LHPP: variants seen among roughly 807,000 people sequenced by gnomAD.
LHPP encodes the protein hLHPP.
A neutral mutation model predicts 30.3 loss-of-function variants in LHPP; 24 were observed. The observed-to-expected ratio is 0.79, with a 90% CI of 0.57 to 1.11. The LOEUF is 1.11. Among genes scored for constraint, LHPP ranks in the 50% most tolerant of loss-of-function variants. LHPP has a pLI of 0.00. For synonymous variants in LHPP, 150 were observed against 157.1 expected (o/e 0.95, Z 0.34); for missense variants, 356 against 367.2 (o/e 0.97, Z 0.25).
At chr10:124,507,061 TAGGGGTAGACA>T (rs1564797469) in intron 5 of LHPP, among the ~76,000 whole-genome samples, 2 of 2,204 alleles carry the variant, frequency 9.1e-4, no homozygotes, top group African/African-American at 5.4e-3. Flanking sequence ...ATTTCAGGTG[TAGGGGTAGACA>T]GGATTTCAGG....
intron 6 of LHPP, 68 bp from the exon 7 acceptor site, chr10:124,613,196 G>A (rs1949224425): frequency 8.4e-7 from 1 of 1,187,650 alleles, no homozygotes; most frequent in Non-Finnish European, 1.3e-6. Flanking sequence ...TTAGATGCTG[G>A]GAGGGTGGGT....
At chr10:124,554,641 A>G (rs1056904575) in intron 6 of LHPP, among the ~76,000 whole-genome samples, 3 of 151,140 alleles carry the variant, frequency 2.0e-5, no homozygotes, top group South Asian at 2.1e-4. Context: ...GACGAGCTGA[A>G]GGGGTGGGCC....
intron 5 of LHPP, among the ~76,000 whole-genome samples, chr10:124,512,202 C>T (rs1177744567): frequency 2.6e-5 from 4 of 152,180 alleles, no homozygotes; most frequent in African/African-American, 9.7e-5. Flanking sequence ...CCTGCGAAGG[C>T]CTAGGGCAAA....
In LHPP at chr10:124,482,938, C is replaced by T. The variant is rs538780709; in HGVS notation, c.126-1201C>T. ...GGATGGTGGCCTGGAGATCAGGGAACTTTTCCATGCTCACGACTACAGCTC... is the reference window on the plus strand; with the variant it reads ...GGATGGTGGCCTGGAGATCAGGGAATTTTTCCATGCTCACGACTACAGCTC... On this transcript the variant is annotated intron_variant, in intron 1 of 6. Transcript: ENST00000368842. 4.6e-5 allele frequency among the ~76,000 whole-genome samples: 7 copies of T among 152,374 alleles called. No homozygotes were observed. The East Asian group carries it at 1.3e-3, about 29-fold the overall frequency.
chr10:124,469,761 G>A (rs1012999048), intron 1 of LHPP, among the ~76,000 whole-genome samples: 2 of 152,126 alleles, frequency 1.3e-5, no homozygotes, highest in Non-Finnish European at 2.9e-5. Flanking sequence ...GTGAACAGGT[G>A]GAGCCGATGC....
chr10:124,476,499 C>T (rs1952948496), intron 1 of LHPP, among the ~76,000 whole-genome samples: 2 of 152,148 alleles, frequency 1.3e-5, no homozygotes, highest in Non-Finnish European at 2.9e-5. Context: ...GTTTATGGCT[C>T]GGGTTCCAAG....
chr10:124,556,664 G>A (rs563314733), intron 6 of LHPP, among the ~76,000 whole-genome samples: 6 of 152,136 alleles, frequency 3.9e-5, no homozygotes, highest in East Asian at 1.9e-4. Context: ...TGCAACTCTC[G>A]ACACCCTCAC....
intron 1 of LHPP, among the ~76,000 whole-genome samples, chr10:124,476,313 G>T (rs1242635702): frequency 6.6e-6 from 1 of 152,208 alleles, no homozygotes; most frequent in East Asian, 1.9e-4. Flanking sequence ...TGGACCTGTT[G>T]CCCTGGCCGG....
chr10:124,478,777 C>T lies in LHPP; in HGVS notation c.126-5362C>T, dbSNP rs559858733. Among the ~76,000 whole-genome samples, 202 of 152,236 alleles carry T rather than the reference C, an allele frequency of 1.3e-3. 1 individual carries two copies. The highest frequency in any genetic ancestry group is 4.8e-3 in the South Asian group (23 of 4,820). Reference sequence around the variant, plus strand: ...TCAAAGATCCAGTTTGGGCCAGGCGCGGTGGCTCAGGCCGGGTGCCATGGC... The same window carrying T: ...TCAAAGATCCAGTTTGGGCCAGGCGTGGTGGCTCAGGCCGGGTGCCATGGC... On this transcript the variant is annotated intron_variant, in intron 1 of 6. Transcript: ENST00000368842. The surrounding 1 kb of genome is among the most constrained non-coding windows in gnomAD (Gnocchi z 4.7).
chr10:124,525,537 C>A (rs1428607753), intron 6 of LHPP, among the ~76,000 whole-genome samples: 1 of 152,194 alleles, frequency 6.6e-6, no homozygotes, highest in African/African-American at 2.4e-5. Context: ...CAGCATGTGG[C>A]AGTCCCGGAC....
At chr10:124,598,874 C>G (rs957200970) in intron 6 of LHPP, among the ~76,000 whole-genome samples, 1 of 151,362 alleles carries the variant, frequency 6.6e-6, no homozygotes, top group African/African-American at 2.4e-5. Context: ...CCTATCCATC[C>G]CTGTCCATTC....
intron 5 of LHPP, among the ~76,000 whole-genome samples, chr10:124,502,371 C>CTT (rs199524033): frequency 2.0e-5 from 3 of 147,290 alleles, no homozygotes; most frequent in African/African-American, 2.5e-5. Flanking sequence ...CAGTAATTAT[C>CTT]TTTTTTTTTT....
chr10:124,587,277 C>G (rs892708218), intron 6 of LHPP, among the ~76,000 whole-genome samples: 3 of 151,654 alleles, frequency 2.0e-5, no homozygotes, highest in African/African-American at 7.3e-5. Flanking sequence ...TCAAGTGATC[C>G]GCCCGCCTCA....
At chr10:124,536,399 C>T (rs752926162) in intron 6 of LHPP, among the ~76,000 whole-genome samples, 6 of 152,208 alleles carry the variant, frequency 3.9e-5, no homozygotes, top group Non-Finnish European at 8.8e-5. Flanking sequence ...GCTCCTGCTC[C>T]GAGGCCACCC....
intron 6 of LHPP, among the ~76,000 whole-genome samples, chr10:124,526,785 G>A (rs554784875): frequency 2.0e-5 from 3 of 152,348 alleles, no homozygotes; most frequent in South Asian, 2.1e-4. Flanking sequence ...AAGTCCCATC[G>A]TTGCTGCCTT....
intron 5 of LHPP, among the ~76,000 whole-genome samples, chr10:124,502,770 G>A (rs1232252750): frequency 4.2e-5 from 6 of 141,300 alleles, no homozygotes; most frequent in African/African-American, 1.6e-4. Context: ...TCCACCTCCT[G>A]GGTTCAAGTG....
Position 124,496,619 on chromosome 10 carries a change from T to C in LHPP, c.468-342T>C, listed in dbSNP as rs1589793791. 2.0e-5 allele frequency among the ~76,000 whole-genome samples: 3 copies of C among 152,214 alleles called. No homozygotes were observed. The highest frequency in any genetic ancestry group is 4.1e-4 in the South Asian group (2 of 4,826). The stretch of plus-strand genomic sequence containing the variant: ...TTCCCAGGACACAGGTCACTTGTCA[T>C]TCTCTGTGTTAGCAACTGAAACCGT... On this transcript the variant is annotated intron_variant, in intron 3 of 6. Coordinates refer to ENST00000368842, the MANE Select transcript of LHPP (RefSeq NM_022126.4). This position sits in a 1 kb window ranked among gnomAD's most constrained non-coding sequence, Gnocchi z 4.3.
chr10:124,557,979 C>T (rs995988812), intron 6 of LHPP, among the ~76,000 whole-genome samples: 36 of 152,262 alleles, frequency 2.4e-4, no homozygotes, highest in African/African-American at 7.9e-4. Flanking sequence ...GTCCTGACAC[C>T]GTGACACTGC....
intron 6 of LHPP, among the ~76,000 whole-genome samples, chr10:124,601,898 C>T (rs2134012252): frequency 6.6e-6 from 1 of 152,334 alleles, no homozygotes; most frequent in South Asian, 2.1e-4. Flanking sequence ...GAGCACCAGC[C>T]ATGGGGAGGC....
Sources: gnomAD v4.1 joint callset for allele counts (sites outside exome capture counted in the v4.1 genomes callset) on GRCh38, gnomAD v4.1.1 for gene constraint, Gnocchi (gnomAD v3.1) non-coding constraint, MANE v1.5 for transcripts, NCBI Gene and HGNC (gene_info 2026-07-23, HGNC 2026-07-21) for gene names.